Variants in FAT4 observed in about 807,000 individuals in gnomAD.
The protein encoded by FAT4 is protocadherin Fat 4.
A neutral mutation model predicts 303.9 loss-of-function variants in FAT4; 84 were observed. The ratio of observed to expected loss-of-function variants is 0.28; its 90% CI spans 0.23 to 0.33. The LOEUF is 0.33. Among genes scored for constraint, FAT4 ranks in the 10% least tolerant of loss-of-function variants. The pLI is 1.00. For missense variants in FAT4, 6,005 were observed against 6,146.8 expected (o/e 0.98, Z 0.77); for synonymous variants, 2,307 against 2,298.8 (o/e 1.00, Z -0.10).
intron 2 of FAT4, among the ~76,000 whole-genome samples, chr4:125,363,716 G>C: frequency 6.6e-6 from 1 of 152,028 alleles, no homozygotes; most frequent in East Asian, 1.9e-4. Flanking sequence ...GGATGGGCTC[G>C]ATCTCCTGAC....
chr4:125,331,583 AT>A (rs1195480832), intron 2 of FAT4, among the ~76,000 whole-genome samples: 1 of 152,176 alleles, frequency 6.6e-6, no homozygotes, highest in Non-Finnish European at 1.5e-5. Context: ...AAAGTAGAAC[AT>A]TTTAGAAAAT....
At position 125,491,530 on chromosome 4, in the gene FAT4, TG is replaced by T; in HGVS notation, c.14717del (p.Gly4906AlafsTer16). 6.2e-7 allele frequency: 1 copy of T among 1,614,164 alleles called. No homozygotes were observed. Among genetic ancestry groups the T allele is most frequent in the Non-Finnish European group, 8.5e-7 (1 of 1,180,022 alleles). On this transcript the variant is annotated frameshift_variant, in exon 18 of 18. Coordinates refer to ENST00000394329, the MANE Select transcript of FAT4 (RefSeq NM_001291303.3). LOFTEE classifies it high-confidence loss of function. ...GGTCGCAGGGCCGAGGGAGGACCTG[TG>T]GGCACCCAGGCAGCAGCACCAGGCA... ...YHGRRAEGGPVGTQAAAPGTA... is the reference protein window; with the variant it reads ...YHGRRAEGGPXGTQAAAPGTA...
intron 2 of FAT4, among the ~76,000 whole-genome samples, chr4:125,380,085 G>A (rs1733483861): frequency 1.3e-5 from 2 of 151,816 alleles, no homozygotes; most frequent in Admixed American, 1.3e-4. Flanking sequence ...TAGAGACAGG[G>A]TTTCTCCATG....
At chr4:125,340,427 A>G (rs1209648934) in intron 2 of FAT4, among the ~76,000 whole-genome samples, 3 of 151,568 alleles carry the variant, frequency 2.0e-5, no homozygotes, top group South Asian at 4.1e-4. Context: ...TCTGTCGCCC[A>G]GGCTGGAGTG....
intron 2 of FAT4, among the ~76,000 whole-genome samples, chr4:125,339,267 G>T (rs577190618): frequency 6.6e-6 from 1 of 151,118 alleles, no homozygotes; most frequent in Admixed American, 6.6e-5. Context: ...GGGTTCAAGC[G>T]ATTCTCCTGC....
chr4:125,330,076 G>C (rs1400927850), intron 2 of FAT4, among the ~76,000 whole-genome samples: 1 of 152,048 alleles, frequency 6.6e-6, no homozygotes, highest in Non-Finnish European at 1.5e-5. Context: ...TCTCTTACTT[G>C]GCTTTACCTA....
chr4:125,402,509 G>A (rs1434619375), intron 3 of FAT4, among the ~76,000 whole-genome samples: 1 of 151,908 alleles, frequency 6.6e-6, no homozygotes, highest in African/African-American at 2.4e-5. Context: ...GGTAAATGTG[G>A]GTAATGTCTT....
chr4:125,425,012 T>C (rs186860174), intron 7 of FAT4, among the ~76,000 whole-genome samples: 21 of 152,276 alleles, frequency 1.4e-4, no homozygotes, highest in Admixed American at 1.3e-3. Context: ...GTTTGAAATA[T>C]TATAACTAAT....
rs940917679 is a variant in FAT4, at chr4:125,316,294, G to A, written c.-12-106G>A. ...ACTGGAGGTTCTTTGAAATAGCAGA[G>A]GTCTCAGACCAAGCCGTCAGCTGAA... On this transcript the variant is annotated intron_variant, in intron 1 of 17. Transcript: ENST00000394329. This position sits in a 1 kb window ranked among gnomAD's most constrained non-coding sequence, Gnocchi z 5.7. The A allele has an allele frequency of 4.4e-6, 6 of 1,355,182 alleles. No homozygotes were observed. The highest frequency in any genetic ancestry group is 6.0e-6 in the Non-Finnish European group (6 of 1,002,906). The allele number at this position is 1,355,182 out of a possible 1,614,324, so 83.9% of individuals were successfully genotyped here. A position where few individuals can be genotyped will look rare whatever the true frequency, so the allele number is the denominator to read the frequency against.
At chr4:125,323,255 C>T (rs1459414240) in intron 2 of FAT4, among the ~76,000 whole-genome samples, 1 of 152,056 alleles carries the variant, frequency 6.6e-6, no homozygotes, top group East Asian at 1.9e-4. Flanking sequence ...AATAAATGCT[C>T]AGTTTTATCA....
Position 125,398,934 on chromosome 4 carries a change from T to A in FAT4, c.5307+19T>A, listed in dbSNP as rs1734282924. On this transcript the variant is annotated intron_variant, in intron 3 of 17. Transcript: ENST00000394329. Reference sequence around the variant, plus strand: ...TGATGAGGTAGCTCAAGCATGTCTCTGAATTTGTGAAACTTCGTAGTGCAG... The same window carrying A: ...TGATGAGGTAGCTCAAGCATGTCTCAGAATTTGTGAAACTTCGTAGTGCAG... 1.9e-5 allele frequency: 30 copies of A among 1,611,774 alleles called. No individual in the cohort carries two copies. Among genetic ancestry groups the A allele is most frequent in the Non-Finnish European group, 2.5e-5 (30 of 1,178,402 alleles).
At chr4:125,365,385 A>C (rs1361582272) in intron 2 of FAT4, among the ~76,000 whole-genome samples, 1 of 152,158 alleles carries the variant, frequency 6.6e-6, no homozygotes, top group African/African-American at 2.4e-5. Context: ...TCTTCTCATC[A>C]TTCAAGCTGA....
chr4:125,399,590 A>G (rs558213691), intron 3 of FAT4, among the ~76,000 whole-genome samples: 2 of 152,100 alleles, frequency 1.3e-5, no homozygotes, highest in Non-Finnish European at 1.5e-5. Context: ...CTCTCATCTA[A>G]ACTCAGAAAT....
At chr4:125,378,780 A>C (rs1733429702) in intron 2 of FAT4, among the ~76,000 whole-genome samples, 1 of 152,160 alleles carries the variant, frequency 6.6e-6, no homozygotes, top group South Asian at 2.1e-4. Flanking sequence ...TGTAACCTAG[A>C]ATATTTTCTC....
At chr4:125,359,538 G>A (rs1020607817) in intron 2 of FAT4, among the ~76,000 whole-genome samples, 13 of 151,964 alleles carry the variant, frequency 8.6e-5, no homozygotes, top group Non-Finnish European at 2.9e-5. Flanking sequence ...CTAAAGGCAG[G>A]GTAAGATTTA....
At chr4:125,340,510 T>C (rs113084787) in intron 2 of FAT4, among the ~76,000 whole-genome samples, 27,401 of 152,066 alleles carry the variant, frequency 0.18, 2,941 homozygotes, top group Non-Finnish European at 0.23. Flanking sequence ...CCTCAGTCTC[T>C]GGAGAAGCTG....
chr4:125,393,875 G>C, intron 2 of FAT4: 1 of 753,826 alleles, frequency 1.3e-6, no homozygotes, highest in South Asian at 1.4e-5. Context: ...ATTTACCAGA[G>C]TTTTACTGCT....
Position 125,487,459 on chromosome 4 carries a change from A to G in FAT4, c.12937A>G (p.Lys4313Glu), listed in dbSNP as rs892978530. The G allele has an allele frequency of 6.2e-7, 1 of 1,613,978 alleles. No individual in the cohort carries two copies. The highest frequency in any genetic ancestry group is 1.1e-5 in the South Asian group (1 of 91,064). The part of the protein sequence containing the change: ...DGHWHTFLIG[K>E]NGTATVLSVD... ...CCACTGGCACACTTTTCTAATTGGG[A>G]AAAATGGAACAGCAACAGTATTGTC... The change falls in exon 17 of 18, where the codon AAA (lysine) becomes GAA (glutamate). Residue 4313 changes from lysine to glutamate, a missense_variant. By Grantham distance (56) the Lys-to-Glu change is moderately conservative. Transcript: ENST00000394329.
chr4:125,365,600 G>A (rs749513484), intron 2 of FAT4, among the ~76,000 whole-genome samples: 1 of 152,146 alleles, frequency 6.6e-6, no homozygotes, highest in African/African-American at 2.4e-5. Flanking sequence ...TGGTTGCCAG[G>A]AGATTCATAG....
Sources: gnomAD v4.1 joint callset for allele counts (sites outside exome capture counted in the v4.1 genomes callset) on GRCh38, gnomAD v4.1.1 for gene constraint, Gnocchi (gnomAD v3.1) non-coding constraint, MANE v1.5 for transcripts, NCBI Gene and HGNC (gene_info 2026-07-23, HGNC 2026-07-21) for gene names.